ABI1: variants seen among roughly 807,000 people sequenced by gnomAD.
ABI1 encodes Abelson interactor 1.
A neutral mutation model predicts 54.6 loss-of-function variants in ABI1; 14 were observed. The ratio of observed to expected loss-of-function variants is 0.26; its 90% CI spans 0.17 to 0.40. The LOEUF (loss-of-function observed/expected upper bound fraction) is 0.40. Among genes scored for constraint, ABI1 ranks in the 10% least tolerant of loss-of-function variants. The pLI, the probability that ABI1 is intolerant of heterozygous loss-of-function variation, is 1.00. For missense variants in ABI1, 443 were observed against 598.3 expected, an observed-to-expected ratio of 0.74 and a Z score of 2.71; for synonymous variants, 194 against 209.3, an observed-to-expected ratio of 0.93 and a Z score of 0.63.
chr10:26,751,213 A>G (rs752737152), intron 10 of ABI1, among the ~76,000 whole-genome samples: 1 of 152,224 alleles, frequency 6.6e-6, no homozygotes, highest in Non-Finnish European at 1.5e-5. Flanking sequence ...ACCATCATAA[A>G]TCAGGGACCG....
At chr10:26,814,311 A>G (rs1283698978) in intron 2 of ABI1, among the ~76,000 whole-genome samples, 2 of 152,196 alleles carry the variant, frequency 1.3e-5, no homozygotes, top group Non-Finnish European at 2.9e-5. Flanking sequence ...ACTTCAGGCA[A>G]ATCATTTATT....
chr10:26,765,131 A>C, intron 7 of ABI1, 87 bp downstream of exon 7: 1 of 884,356 alleles, frequency 1.1e-6, no homozygotes, highest in Non-Finnish European at 1.7e-6. Context: ...TAATAATTTT[A>C]CTCAATATGA....
intron 2 of ABI1, among the ~76,000 whole-genome samples, chr10:26,821,197 A>G (rs894449530): frequency 5.3e-5 from 8 of 149,890 alleles, no homozygotes; most frequent in Admixed American, 4.0e-4. Context: ...GTGAGCCGAG[A>G]TCATGCCACT....
intron 1 of ABI1, among the ~76,000 whole-genome samples, chr10:26,853,596 G>C (rs2134273987): frequency 6.8e-6 from 1 of 147,742 alleles, no homozygotes; most frequent in South Asian, 2.1e-4. Flanking sequence ...CTGGAGTTCA[G>C]TGGCACAATC....
chr10:26,794,896 C>T (rs1843941324), intron 2 of ABI1, among the ~76,000 whole-genome samples: 1 of 152,104 alleles, frequency 6.6e-6, no homozygotes, highest in African/African-American at 2.4e-5. Flanking sequence ...GTAATCCCAG[C>T]ACTTTGGGAG....
At chr10:26,808,997 C>T (rs1421089336) in intron 2 of ABI1, among the ~76,000 whole-genome samples, 1 of 151,532 alleles carries the variant, frequency 6.6e-6, no homozygotes, top group Non-Finnish European at 1.5e-5. Context: ...TGGCCGGGCA[C>T]GGTGGCTCAC....
At chr10:26,771,583 C>T (rs1410064384) in intron 3 of ABI1, among the ~76,000 whole-genome samples, 1 of 152,050 alleles carries the variant, frequency 6.6e-6, no homozygotes, top group Non-Finnish European at 1.5e-5. Flanking sequence ...AAATTCAAAA[C>T]CACAGATTGC....
chr10:26,838,974 C>T (rs1051522755), intron 1 of ABI1, among the ~76,000 whole-genome samples: 1 of 152,170 alleles, frequency 6.6e-6, no homozygotes, highest in African/African-American at 2.4e-5. Flanking sequence ...TCCAAGTCAT[C>T]ATTAACTACT....
chr10:26,788,853 C>T lies in ABI1; in HGVS notation c.286-11612G>A, dbSNP rs189998982. Among the ~76,000 whole-genome samples the T allele has an allele frequency of 3.6e-3, 491 of 135,736 alleles. 3 individuals carry two copies. Among genetic ancestry groups the T allele is most frequent in the African/African-American group, 0.013 (474 of 35,596 alleles). 89.0% of individuals were successfully genotyped at this position (135,736 alleles called of 152,430 possible). On this transcript the variant is annotated intron_variant, in intron 2 of 10. Coordinates refer to ENST00000376140, the MANE Select transcript of ABI1 (RefSeq NM_001012750.3). ...GCATGAACCTGGGAGGCAGAGCTTG[C>T]AGTGAGCCAAGATCACGCCACTGCA...
At chr10:26,836,329 TCTCGAA>T (rs1475991306) in intron 1 of ABI1, among the ~76,000 whole-genome samples, 2 of 152,128 alleles carry the variant, frequency 1.3e-5, no homozygotes, top group East Asian at 3.9e-4. Flanking sequence ...GCCAGCCTGG[TCTCGAA>T]CTCCTGACCT....
At position 26,777,158 on chromosome 10, in the gene ABI1, T is replaced by A. The variant is rs1420051216; in HGVS notation, c.369A>T (p.Lys123Asn). 1 of 1,613,868 alleles carries A rather than the reference T, an allele frequency of 6.2e-7. No individual in the cohort carries two copies. Among genetic ancestry groups the A allele is most frequent in the East Asian group, 2.2e-5 (1 of 44,864 alleles). Residue 123 changes from lysine to asparagine, a missense_variant, in exon 3 of 11, where the codon AAA becomes AAT. By Grantham distance (94) the Lys-to-Asn change is moderately conservative. Around this residue, in one of 2 missense-constraint regions of ABI1, gnomAD observed 394 missense variants for 484.8 expected, o/e 0.81. Coordinates refer to ENST00000376140, the MANE Select transcript of ABI1 (RefSeq NM_001012750.3). ...TTNKNTSRTHKIIAPANMERP... is the reference protein window; with the variant it reads ...TTNKNTSRTHNIIAPANMERP... ...GCTCCATATTCGCAGGTGCTATTAT[T>A]TTGTGAGTTCTTGATGTATTCTTAT...
At chr10:26,759,286 T>C (rs1450058162) in intron 7 of ABI1, 48 bp from the exon 8 acceptor site, 2 of 1,578,076 alleles carry the variant, frequency 1.3e-6, no homozygotes, top group Non-Finnish European at 1.7e-6. Context: ...TTGAGCATTG[T>C]AATCACCTTA....
chr10:26,803,585 A>T (rs2046696059), intron 2 of ABI1, among the ~76,000 whole-genome samples: 1 of 152,238 alleles, frequency 6.6e-6, no homozygotes, highest in South Asian at 2.1e-4. Context: ...TTCAGGAAAC[A>T]GGCAGGCAAA....
intron 2 of ABI1, among the ~76,000 whole-genome samples, chr10:26,780,253 G>A (rs947677304): frequency 1.3e-5 from 2 of 152,050 alleles, no homozygotes; most frequent in African/African-American, 4.8e-5. Context: ...GTAAGACAAG[G>A]TCTCGCTCTG....
chr10:26,771,940 T>C (rs1408092681), intron 3 of ABI1, among the ~76,000 whole-genome samples: 2 of 151,846 alleles, frequency 1.3e-5, no homozygotes, highest in Middle Eastern at 3.2e-3. Context: ...TAAAAAAAAA[T>C]ATCTTCAGGT....
intron 1 of ABI1, among the ~76,000 whole-genome samples, chr10:26,829,649 C>T (rs895765075): frequency 5.3e-5 from 8 of 152,018 alleles, no homozygotes; most frequent in African/African-American, 1.9e-4. Flanking sequence ...TTTCTAGGGT[C>T]ATGTCAAAAG....
intron 2 of ABI1, among the ~76,000 whole-genome samples, chr10:26,813,385 TAGTC>T (rs10596409): frequency 0.53 from 74,234 of 140,300 alleles, 20,089 homozygotes; most frequent in African/African-American, 0.77. Context: ...TATCACCAAG[TAGTC>T]AGTCAGTAAG....
intron 7 of ABI1, among the ~76,000 whole-genome samples, chr10:26,760,187 C>A (rs1168343164): frequency 6.6e-6 from 1 of 151,936 alleles, no homozygotes; most frequent in Non-Finnish European, 1.5e-5. Flanking sequence ...TCTTTCCCAA[C>A]ATTTCAAAAG....
intron 2 of ABI1, among the ~76,000 whole-genome samples, chr10:26,788,445 T>A (rs1372556544): frequency 1.3e-5 from 2 of 152,204 alleles, no homozygotes; most frequent in East Asian, 3.8e-4. Flanking sequence ...CTACCCAATC[T>A]ACAACTCTGC....
Sources: allele counts gnomAD v4.1 joint callset (sites outside exome capture counted in the v4.1 genomes callset), GRCh38; gene constraint gnomAD v4.1.1; regional missense constraint gnomAD v4.1.1; transcripts MANE v1.5; gene names NCBI Gene and HGNC (gene_info 2026-07-23, HGNC 2026-07-21).